Variants in PTPRD observed in about 807,000 individuals in gnomAD.
PTPRD encodes protein tyrosine phosphatase receptor type D, also known as receptor-type tyrosine-protein phosphatase delta.
Under a neutral mutation model 214.5 loss-of-function variants are expected in PTPRD, and 34 were observed. The ratio of observed to expected loss-of-function variants is 0.16; its 90% confidence interval spans 0.12 to 0.21. PTPRD has a LOEUF of 0.21. Among genes scored for constraint, PTPRD ranks in the 10% least tolerant of loss-of-function variants. The pLI, the probability that PTPRD is intolerant of heterozygous loss-of-function variation, is 1.00. For synonymous variants in PTPRD, 1,128 were observed against 845.7 expected, an observed-to-expected ratio of 1.33 and a Z score of -5.79; for missense variants, 2,545 against 2,398.7, an observed-to-expected ratio of 1.06 and a Z score of -1.27.
chr9:8,351,030 G>A (rs537263955), intron 39 of PTPRD, among the ~76,000 whole-genome samples: 1 of 152,126 alleles, frequency 6.6e-6, no homozygotes, highest in African/African-American at 2.4e-5. Flanking sequence ...TTTTATTGTA[G>A]CATTGTTGAT....
At chr9:8,515,888 C>T (rs1007007146) in intron 21 of PTPRD, among the ~76,000 whole-genome samples, 8 of 152,134 alleles carry the variant, frequency 5.3e-5, no homozygotes, top group African/African-American at 1.7e-4. Flanking sequence ...AGAACCACTA[C>T]ACTCTATAAG....
chr9:10,313,185 C>G (rs570155712), intron 3 of PTPRD, among the ~76,000 whole-genome samples: 1 of 151,996 alleles, frequency 6.6e-6, no homozygotes. Flanking sequence ...ATAACTTCCA[C>G]CATTTGACAA....
intron 11 of PTPRD, among the ~76,000 whole-genome samples, chr9:8,993,192 C>G (rs866678450): frequency 1.3e-5 from 2 of 151,966 alleles, no homozygotes; most frequent in Admixed American, 6.6e-5. Flanking sequence ...TTCCCTTGGC[C>G]CAGAGAACCT....
rs1433406552 is a variant in PTPRD at position 9,620,898 on chromosome 9, G to T, written c.-286-46117C>A. 2.0e-5 allele frequency among the ~76,000 whole-genome samples: 3 copies of T among 151,938 alleles called. No individual in the cohort carries two copies. In the East Asian group the frequency reaches 5.8e-4, roughly 29 times the overall value. ...AAAAAAAAGAGCAAAGCATTAGTAG[G>T]CAAGGAAATGATATGGTACTTGGCC... On this transcript the variant is annotated intron_variant, in intron 7 of 45. Coordinates refer to ENST00000381196, the MANE Select transcript of PTPRD (RefSeq NM_002839.4).
intron 10 of PTPRD, among the ~76,000 whole-genome samples, chr9:9,070,080 G>A (rs1390516953): frequency 6.6e-6 from 1 of 152,144 alleles, no homozygotes; most frequent in Non-Finnish European, 1.5e-5. Flanking sequence ...TGTATTTCAA[G>A]TGTCAGCAGA....
chr9:9,102,818 GA>G (rs2099793179), intron 10 of PTPRD, among the ~76,000 whole-genome samples: 1 of 151,986 alleles, frequency 6.6e-6, no homozygotes, highest in Admixed American at 6.6e-5. Context: ...TGACACTTGG[GA>G]AAAAATAAGA....
At chr9:8,676,737 C>G (rs956255860) in intron 12 of PTPRD, among the ~76,000 whole-genome samples, 2 of 152,138 alleles carry the variant, frequency 1.3e-5, no homozygotes, top group South Asian at 2.1e-4. Flanking sequence ...CCATGCCCAG[C>G]TAATTTTTGT....
At position 10,479,035 on chromosome 9, in the gene PTPRD, A is replaced by T. The variant is rs138835882; in HGVS notation, c.-600+133363T>A. Among the ~76,000 whole-genome samples the T allele has an allele frequency of 3.1e-3, 475 of 152,260 alleles. 7 individuals carry two copies. Among genetic ancestry groups the T allele is most frequent in the African/African-American group, 0.011 (452 of 41,570 alleles). ...GATGAAAACTTTTCAAACATTACAC[A>T]ATTTTCACAGAAGTTACAGTGTAAT... On this transcript the variant is annotated intron_variant, in intron 2 of 45. Coordinates refer to ENST00000381196, the MANE Select transcript of PTPRD (RefSeq NM_002839.4).
At chr9:8,833,616 T>C (rs2097344578) in intron 11 of PTPRD, among the ~76,000 whole-genome samples, 1 of 151,348 alleles carries the variant, frequency 6.6e-6, no homozygotes, top group African/African-American at 2.4e-5. Flanking sequence ...ATTAAAACTC[T>C]ACTCAGTGAA....
At chr9:10,423,179 A>T (rs1197660233) in intron 2 of PTPRD, among the ~76,000 whole-genome samples, 1 of 151,934 alleles carries the variant, frequency 6.6e-6, no homozygotes, top group African/African-American at 2.4e-5. Context: ...GCTGGAAACC[A>T]TCATTCTGAG....
At chr9:10,537,952 G>C (rs1470280761) in intron 2 of PTPRD, among the ~76,000 whole-genome samples, 1 of 152,062 alleles carries the variant, frequency 6.6e-6, no homozygotes, top group Non-Finnish European at 1.5e-5. Context: ...TTCTGAGGAT[G>C]ACACCTCGCA....
At chr9:9,119,597 T>A (rs2099815664) in intron 10 of PTPRD, among the ~76,000 whole-genome samples, 1 of 151,860 alleles carries the variant, frequency 6.6e-6, no homozygotes, top group Admixed American at 6.6e-5. Context: ...TGGCACAATC[T>A]CGGCTCACTG....
Position 8,650,322 on chromosome 9 carries a change from G to C in PTPRD, c.65-13478C>G, listed in dbSNP as rs113984535. ...AGGTGGGTGGATCACCTGAGGTTAGGAGTTTGAGACCAGCCTGACCAACAT... is the reference window on the plus strand; with the variant it reads ...AGGTGGGTGGATCACCTGAGGTTAGCAGTTTGAGACCAGCCTGACCAACAT... On this transcript the variant is annotated intron_variant, in intron 12 of 45. Coordinates refer to ENST00000381196, the MANE Select transcript of PTPRD (RefSeq NM_002839.4). Among the ~76,000 whole-genome samples the C allele has an allele frequency of 9.0e-3, 1,368 of 152,160 alleles. 14 individuals carry two copies. Among genetic ancestry groups the C allele is most frequent in the African/African-American group, 0.031 (1,275 of 41,542 alleles).
At chr9:9,293,985 G>A (rs1358380652) in intron 9 of PTPRD, among the ~76,000 whole-genome samples, 2 of 151,428 alleles carry the variant, frequency 1.3e-5, no homozygotes, top group Admixed American at 6.6e-5. Context: ...CTTGCACTTT[G>A]GGGTCATTAT....
chr9:9,984,773 T>C lies in PTPRD; in HGVS notation c.-471-46163A>G, dbSNP rs144176512. Reference sequence around the variant, plus strand: ...GCAGCAGAGAGAATTAGGGTGCTGCTGCTGCTGTCTCTCGGAGGCCTGGAA... The same window carrying C: ...GCAGCAGAGAGAATTAGGGTGCTGCCGCTGCTGTCTCTCGGAGGCCTGGAA... On this transcript the variant is annotated intron_variant, in intron 4 of 45. Coordinates refer to ENST00000381196, the MANE Select transcript of PTPRD (RefSeq NM_002839.4). Among the ~76,000 whole-genome samples, 9 of 152,092 alleles carry C rather than the reference T, an allele frequency of 5.9e-5. No individual in the cohort carries two copies. The East Asian group carries it at 1.4e-3, about 23-fold the overall frequency.
intron 7 of PTPRD, among the ~76,000 whole-genome samples, chr9:9,733,218 A>G (rs2098230399): frequency 6.6e-6 from 1 of 152,172 alleles, no homozygotes; most frequent in Non-Finnish European, 1.5e-5. Flanking sequence ...TATAAGGAAT[A>G]AGACAGAGAG....
chr9:8,626,612 T>G (rs1320125834), intron 14 of PTPRD, among the ~76,000 whole-genome samples: 1 of 151,724 alleles, frequency 6.6e-6, no homozygotes, highest in Non-Finnish European at 1.5e-5. Context: ...CAGATTGCCC[T>G]CCCTAATGTG....
At chr9:9,539,226 T>C (rs1263387945) in intron 8 of PTPRD, among the ~76,000 whole-genome samples, 1 of 151,870 alleles carries the variant, frequency 6.6e-6, no homozygotes, top group Non-Finnish European at 1.5e-5. Flanking sequence ...GCAGATGGGA[T>C]GCACACTGAA....
Position 10,567,683 on chromosome 9 carries a change from C to T in PTPRD, c.-600+44715G>A, listed in dbSNP as rs139844782. The stretch of plus-strand genomic sequence containing the variant: ...CAGTAAATACAAACTTTTAAATACA[C>T]ATTGTTTTAAAAAAACCTTTGGTTT... On this transcript the variant is annotated intron_variant, in intron 2 of 45. Coordinates refer to ENST00000381196, the MANE Select transcript of PTPRD (RefSeq NM_002839.4). Among the ~76,000 whole-genome samples, 413 of 151,982 alleles carry T rather than the reference C, an allele frequency of 2.7e-3. 2 individuals carry two copies. The highest frequency in any genetic ancestry group is 9.2e-3 in the African/African-American group (380 of 41,498).
Sources: allele counts gnomAD v4.1 joint callset (sites outside exome capture counted in the v4.1 genomes callset), GRCh38; gene constraint gnomAD v4.1.1; transcripts MANE v1.5; gene names NCBI Gene and HGNC (gene_info 2026-07-23, HGNC 2026-07-21).